The following EXOSC10 variants were observed in gnomAD, a reference collection of about 807,000 sequenced individuals.
EXOSC10 encodes the protein exosome component 10, also known as exosome complex component 10.
Under a neutral mutation model 126.6 loss-of-function variants are expected in EXOSC10, and 94 were observed. The ratio of observed to expected loss-of-function variants is 0.74; its 90% CI spans 0.63 to 0.88. EXOSC10 has a LOEUF of 0.88. Among genes scored for constraint, EXOSC10 ranks in the 40% least tolerant of loss-of-function variants. The probability of loss-of-function intolerance (pLI) is 0.00; values close to 1 mark genes in which losing one functional copy is unlikely to be tolerated. For missense variants in EXOSC10, 1,041 were observed against 1,100.5 expected (o/e 0.95, Z 0.77); for synonymous variants, 395 against 400.8 (o/e 0.99, Z 0.17).
rs757576637 is a variant in EXOSC10 at position 11,081,146 on chromosome 1, C to T, written c.1373G>A (p.Arg458His). ...YDKMRLEMWE[R>H]GNGQPVQLQV... is the part of the protein sequence containing the mutation. ...CAGCTGCACCGGCTGCCCGTTGCCG[C>T]GCTCCCACATCTCCAGCCTCATTTT... is the stretch of plus-strand genomic sequence containing the variant. Residue 458 changes from arginine to histidine, a missense_variant, in exon 11 of 25, where the codon CGC (arginine) becomes CAC (histidine). Arg to His is a conservative substitution (Grantham distance 29). Coordinates refer to ENST00000376936, the MANE Select transcript of EXOSC10 (RefSeq NM_001001998.3). The T allele has an allele frequency of 3.2e-5, 51 of 1,614,190 alleles. No homozygotes were observed. In the East Asian group the frequency reaches 3.3e-4, roughly 11 times the overall value.
chr1:11,098,003 C>G lies in EXOSC10; in HGVS notation c.248+17G>C. 3 of 1,511,350 alleles carry G rather than the reference C, an allele frequency of 2.0e-6. No individual in the cohort carries two copies. In the African/African-American group the frequency reaches 4.3e-5, roughly 22 times the overall value. 93.6% of individuals were successfully genotyped at this position (1,511,350 alleles called of 1,614,324 possible). ...ATTTCTTTTCACTAACACAAGAAAA[C>G]AAAGTACAGTACTTACCACTGAAGC... On this transcript the variant is annotated intron_variant, in intron 2 of 24. Coordinates refer to ENST00000376936, the MANE Select transcript of EXOSC10 (RefSeq NM_001001998.3).
At chr1:11,084,089 T>C (rs372253652) in intron 9 of EXOSC10, among the ~76,000 whole-genome samples, 1 of 152,150 alleles carries the variant, frequency 6.6e-6, no homozygotes, top group Non-Finnish European at 1.5e-5. Context: ...AATAAACATA[T>C]GTGTGCATGT....
chr1:11,081,709 G>A (rs1193192759), intron 10 of EXOSC10, among the ~76,000 whole-genome samples: 4 of 152,156 alleles, frequency 2.6e-5, no homozygotes, highest in Non-Finnish European at 1.5e-5. Context: ...AACAGGGAGT[G>A]GTTTTTAGAT....
chr1:11,087,625 A>C (rs746441396), intron 8 of EXOSC10, 34 bp from the exon 9 acceptor site: 6 of 1,610,618 alleles, frequency 3.7e-6, no homozygotes, highest in Non-Finnish European at 5.1e-6. Context: ...GAAGAGGAAA[A>C]ACAAAGATTA....
chr1:11,072,410 A>G (rs1639559947), intron 19 of EXOSC10: 1 of 440,738 alleles, frequency 2.3e-6, no homozygotes, highest in South Asian at 2.5e-5. Flanking sequence ...ATCTCATTCA[A>G]TCCCTCTGTA....
intron 17 of EXOSC10, among the ~76,000 whole-genome samples, chr1:11,075,960 A>T (rs2100966219): frequency 6.6e-6 from 1 of 151,370 alleles, no homozygotes; most frequent in South Asian, 2.1e-4. Context: ...GAGGTCAGGC[A>T]TTCGAGACCA....
At chr1:11,097,492 C>T (rs1011821937) in intron 2 of EXOSC10, among the ~76,000 whole-genome samples, 69 of 152,018 alleles carry the variant, frequency 4.5e-4, no homozygotes, top group Non-Finnish European at 3.2e-4. Context: ...TTTGGGAGGC[C>T]GAGGCAGGTG....
intron 19 of EXOSC10, 122 bp from the exon 20 acceptor site, chr1:11,072,293 A>C: frequency 1.5e-6 from 1 of 668,050 alleles, no homozygotes; most frequent in Non-Finnish European, 2.6e-6. Flanking sequence ...CTAAGTCATA[A>C]ATTTTCAAAT....
intron 2 of EXOSC10, among the ~76,000 whole-genome samples, chr1:11,097,644 T>C (rs1235496880): frequency 1.3e-5 from 2 of 151,484 alleles, no homozygotes; most frequent in Non-Finnish European, 2.9e-5. Flanking sequence ...GAGAATAGCG[T>C]GAACCTGGGA....
Position 11,068,007 on chromosome 1 carries a change from C to T in EXOSC10, c.2627+1G>A. The T allele has an allele frequency of 6.2e-7, 1 of 1,614,042 alleles. No individual in the cohort carries two copies. The highest frequency in any genetic ancestry group is 2.2e-5 in the East Asian group (1 of 44,882). On this transcript the variant is annotated splice_donor_variant, in intron 24 of 24. Coordinates refer to ENST00000376936, the MANE Select transcript of EXOSC10 (RefSeq NM_001001998.3). LOFTEE classifies it high-confidence loss of function. ...GGGCCACACCGCCGTCCACCACATA[C>T]CTGTCTGACTTTCCAGTTGGAAAGG... is the stretch of plus-strand genomic sequence containing the variant.
intron 4 of EXOSC10, 125 bp downstream of exon 4, chr1:11,091,368 G>T: frequency 1.0e-6 from 1 of 986,972 alleles, no homozygotes. Context: ...ATGTTTATGA[G>T]AACAAACTAA....
In EXOSC10 at chr1:11,095,662, C is replaced by T. The variant is rs1036966795; in HGVS notation, c.372+96G>A. The T allele has an allele frequency of 3.4e-5, 39 of 1,144,550 alleles. No homozygotes were observed. In the African/African-American group the frequency reaches 3.8e-4, roughly 11 times the overall value. 70.9% of individuals were successfully genotyped at this position (1,144,550 alleles called of 1,614,324 possible). ...CCGGGAGGCAGAGCTTGCAGTGAGT[C>T]GAGATCGCATCACTGCACTCCAGCC... On this transcript the variant is annotated intron_variant, in intron 3 of 24. Coordinates refer to ENST00000376936, the MANE Select transcript of EXOSC10 (RefSeq NM_001001998.3).
intron 17 of EXOSC10, among the ~76,000 whole-genome samples, chr1:11,075,483 C>T (rs189597949): frequency 2.0e-5 from 3 of 152,284 alleles, no homozygotes; most frequent in Non-Finnish European, 4.4e-5. Flanking sequence ...TTACACCAAA[C>T]AGCACTTCCG....
At chr1:11,095,211 CAAA>C (rs1222636613) in intron 3 of EXOSC10, among the ~76,000 whole-genome samples, 3 of 52,430 alleles carry the variant, frequency 5.7e-5, no homozygotes, top group African/African-American at 6.6e-5. Flanking sequence ...GACTCCGTCT[CAAA>C]AAAAAAAAAA....
chr1:11,090,941 A>C, intron 5 of EXOSC10, 73 bp downstream of exon 5: 1 of 1,485,782 alleles, frequency 6.7e-7, no homozygotes, highest in East Asian at 2.3e-5. Context: ...AAGAAGAGAG[A>C]CCTGTACACC....
intron 3 of EXOSC10, 108 bp downstream of exon 3, chr1:11,095,650 C>T: frequency 6.0e-6 from 6 of 1,007,208 alleles, no homozygotes; most frequent in African/African-American, 1.6e-5. Flanking sequence ...GGAGGCAGAG[C>T]TTGCAGTGAG....
chr1:11,087,287 G>A (rs1166281579), intron 9 of EXOSC10, among the ~76,000 whole-genome samples, 161 bp downstream of exon 9: 1 of 152,060 alleles, frequency 6.6e-6, no homozygotes, highest in Non-Finnish European at 1.5e-5. Context: ...GTTCTAACAG[G>A]GATTTAGAAA....
At position 11,081,182 on chromosome 1, in the gene EXOSC10, T is replaced by G; in HGVS notation, c.1337A>C (p.Tyr446Ser). 1 of 1,614,156 alleles carries G rather than the reference T, an allele frequency of 6.2e-7. No individual in the cohort carries two copies. The highest frequency in any genetic ancestry group is 8.5e-7 in the Non-Finnish European group (1 of 1,180,036). The change falls in exon 11 of 25, where the codon TAT becomes TCT. Residue 446 changes from tyrosine (Y) to serine (S), a missense_variant. Coordinates refer to ENST00000376936, the MANE Select transcript of EXOSC10 (RefSeq NM_001001998.3). ...CTCCAGCCTCATTTTGTCATAGATA[T>G]ATAGCAGGTAATGGGTGTCATCCCG... ...YARDDTHYLL[Y>S]IYDKMRLEMW...
rs752826369 is a variant in EXOSC10 at position 11,088,169 on chromosome 1, T to G, written c.788A>C (p.Asn263Thr). Residue 263 changes from asparagine (N) to threonine (T), a missense_variant, in exon 7 of 25, where the codon AAT becomes ACT. Asn to Thr is a moderately conservative substitution (Grantham distance 65). Around this residue, in one of 3 missense-constraint regions of EXOSC10, gnomAD observed 645 missense variants for 656.3 expected, o/e 0.98. Transcript: ENST00000376936. ...MFAHPYQYELNHFTPADAVLQ... is the reference protein window; with the variant it reads ...MFAHPYQYELTHFTPADAVLQ... The stretch of plus-strand genomic sequence containing the variant: ...CACTGCATCTGCTGGGGTAAAGTGA[T>G]TTAGTTCATATTGATAAGGATGTGC... The G allele has an allele frequency of 5.6e-5, 91 of 1,613,336 alleles. No homozygotes were observed. Among genetic ancestry groups the G allele is most frequent in the Non-Finnish European group, 7.5e-5 (88 of 1,179,842 alleles).
Sources: gnomAD v4.1 joint callset for allele counts (sites outside exome capture counted in the v4.1 genomes callset) on GRCh38, gnomAD v4.1.1 for gene constraint, gnomAD v4.1.1 regional missense constraint, MANE v1.5 for transcripts, NCBI Gene and HGNC (gene_info 2026-07-23, HGNC 2026-07-21) for gene names.